SNX29: variants seen among roughly 807,000 people sequenced by gnomAD.
The protein encoded by SNX29 is sorting nexin 29, also known as sorting nexin-29.
In SNX29, 78 loss-of-function variants were observed where a neutral mutation model predicts 102.1. That is an observed-to-expected ratio of 0.76 (90% CI 0.64 to 0.92). The LOEUF (loss-of-function observed/expected upper bound fraction) is 0.92, where lower values mean the gene tolerates loss of function less well. Among genes scored for constraint, SNX29 ranks in the 40% least tolerant of loss-of-function variants. SNX29 has a pLI of 0.00. For synonymous variants in SNX29, 580 were observed against 414.5 expected, an observed-to-expected ratio of 1.40 and a Z score of -4.85; for missense variants, 1,280 against 1,061.7, an observed-to-expected ratio of 1.21 and a Z score of -2.86.
rs1287811863 is a variant in SNX29 at position 12,098,618 on chromosome 16, C to T, written c.1402+19703C>T. The stretch of plus-strand genomic sequence containing the variant: ...GCTCTTCCGTCTGCCGGGACACCCT[C>T]CCCTCTCCTCCTCTTTTGCCTGGGT... On this transcript the variant is annotated intron_variant, in intron 11 of 20. Coordinates refer to ENST00000566228, the MANE Select transcript of SNX29 (RefSeq NM_032167.5). This position sits in a 1 kb window ranked among gnomAD's most constrained non-coding sequence, Gnocchi z 6.0. 6.6e-6 allele frequency among the ~76,000 whole-genome samples: 1 copy of T among 152,222 alleles called. No homozygotes were observed. The highest frequency in any genetic ancestry group is 1.5e-5 in the Non-Finnish European group (1 of 68,040).
intron 14 of SNX29, among the ~76,000 whole-genome samples, chr16:12,229,658 G>T (rs1219367179): frequency 6.6e-6 from 1 of 151,498 alleles, no homozygotes; most frequent in Non-Finnish European, 1.5e-5. Flanking sequence ...ATAAGTTCCT[G>T]CATTCTTCAA....
At chr16:12,375,639 C>G (rs1012748618) in intron 16 of SNX29, 1 of 152,234 alleles carries the variant, frequency 6.6e-6, no homozygotes, top group Non-Finnish European at 1.5e-5. Flanking sequence ...AGGCCACCCT[C>G]GGTTTCTTGC....
At chr16:12,014,831 C>G (rs747803113) in intron 3 of SNX29, among the ~76,000 whole-genome samples, 91 of 151,580 alleles carry the variant, frequency 6.0e-4, no homozygotes, top group Non-Finnish European at 1.1e-3. Flanking sequence ...TTCCTCTGTA[C>G]AAAGATTAAT....
intron 20 of SNX29, among the ~76,000 whole-genome samples, chr16:12,535,531 C>G (rs1001305376): frequency 6.6e-6 from 1 of 152,154 alleles, no homozygotes; most frequent in African/African-American, 2.4e-5. Flanking sequence ...GTGGCCAAGC[C>G]ATAGTCTCAC....
At chr16:11,983,081 C>G (rs1356901156) in intron 1 of SNX29, among the ~76,000 whole-genome samples, 1 of 151,930 alleles carries the variant, frequency 6.6e-6, no homozygotes, top group Non-Finnish European at 1.5e-5. Flanking sequence ...CGGGCGTGCA[C>G]CACCACGCCT....
At chr16:12,240,593 T>TA (rs2078073822) in intron 14 of SNX29, among the ~76,000 whole-genome samples, 1 of 114,170 alleles carries the variant, frequency 8.8e-6, no homozygotes, top group African/African-American at 4.3e-5. Flanking sequence ...TTCTTTTTTT[T>TA]TTTTTTTTTT....
At chr16:12,565,068 C>G (rs932946464) in intron 20 of SNX29, among the ~76,000 whole-genome samples, 3 of 152,098 alleles carry the variant, frequency 2.0e-5, no homozygotes, top group South Asian at 4.1e-4. Context: ...AGCAAAGGGG[C>G]CCAGTGGGGA....
chr16:12,456,020 T>A (rs2086524176), intron 18 of SNX29, among the ~76,000 whole-genome samples: 2 of 152,320 alleles, frequency 1.3e-5, no homozygotes, highest in East Asian at 1.9e-4. Flanking sequence ...AAGGTACAAT[T>A]GCAAGTAAAT....
At chr16:12,158,814 A>G (rs984185449) in intron 13 of SNX29, among the ~76,000 whole-genome samples, 3 of 152,192 alleles carry the variant, frequency 2.0e-5, no homozygotes, top group Admixed American at 6.5e-5. Flanking sequence ...ATGGGGATTG[A>G]GTGAAATGGG....
chr16:12,346,535 G>T (rs1224861966), intron 15 of SNX29, among the ~76,000 whole-genome samples: 1 of 152,092 alleles, frequency 6.6e-6, no homozygotes, highest in Non-Finnish European at 1.5e-5. Context: ...CCTGCCTCTG[G>T]CGTTCGCACC....
chr16:12,223,667 G>A (rs2077535482), intron 14 of SNX29, among the ~76,000 whole-genome samples: 1 of 152,184 alleles, frequency 6.6e-6, no homozygotes, highest in Non-Finnish European at 1.5e-5. Context: ...AAAAATTCAG[G>A]TGAGAGTCAT....
intron 13 of SNX29, among the ~76,000 whole-genome samples, chr16:12,158,899 T>C (rs763689863): frequency 1.3e-5 from 2 of 152,214 alleles, no homozygotes; most frequent in Non-Finnish European, 2.9e-5. Context: ...GCCCAGTAAA[T>C]TGTTGACTTG....
In SNX29 at chr16:12,570,821, C is replaced by G. The variant is rs979044341; in HGVS notation, c.*2192C>G. On this transcript the variant is annotated 3_prime_UTR_variant, in exon 21 of 21. Coordinates refer to ENST00000566228, the MANE Select transcript of SNX29 (RefSeq NM_032167.5). ...CTGAGAGATACTAACCCGTGAGAAACAAGTATGCTCTCAGCTGGTATTGAA... is the reference window on the plus strand; with the variant it reads ...CTGAGAGATACTAACCCGTGAGAAAGAAGTATGCTCTCAGCTGGTATTGAA... 2.2e-5 allele frequency: 5 copies of G among 232,204 alleles called. No homozygotes were observed. Among genetic ancestry groups the G allele is most frequent in the Non-Finnish European group, 2.6e-5 (3 of 117,476 alleles). 14.4% of individuals were successfully genotyped at this position (232,204 alleles called of 1,614,324 possible).
rs146288270 is a variant in SNX29 at position 12,045,670 on chromosome 16, C to T, written c.429-714C>T. On this transcript the variant is annotated intron_variant, in intron 5 of 20. Transcript: ENST00000566228. ...ATTTTGAGGTGGAGTCTTGCTCTTT[C>T]GCCCAAGCTGGAGTACAGTGGCGCG... Among the ~76,000 whole-genome samples the T allele has an allele frequency of 2.1e-3, 301 of 143,982 alleles. 1 individual carries two copies. Among genetic ancestry groups the T allele is most frequent in the African/African-American group, 6.8e-3 (272 of 40,024 alleles). 94.5% of individuals were successfully genotyped at this position (143,982 alleles called of 152,430 possible).
rs1163246469 is a variant in SNX29 at position 12,573,448 on chromosome 16, CTA to C, written c.*4821_*4822del. ...GGCTTCCTTAATAAGATAGTTGAGC[CTA>C]TGACATTAAGGAGCAGCGCTGCTGG... On this transcript the variant is annotated 3_prime_UTR_variant, in exon 21 of 21. Transcript: ENST00000566228. 4.5e-6 allele frequency: 1 copy of C among 224,098 alleles called. No individual in the cohort carries two copies. Among genetic ancestry groups the C allele is most frequent in the African/African-American group, 2.2e-5 (1 of 44,846 alleles). The allele number at this position is 224,098 out of a possible 1,614,324, so 13.9% of individuals were successfully genotyped here.
At chr16:12,562,009 A>G in intron 20 of SNX29, among the ~76,000 whole-genome samples, 1 of 152,288 alleles carries the variant, frequency 6.6e-6, no homozygotes. Flanking sequence ...CCTGCAACCC[A>G]GGAGGCCTGG....
In SNX29 at chr16:12,474,285, A is replaced by G. The variant is rs866617028; in HGVS notation, c.2038-3434A>G. 2.0e-5 allele frequency among the ~76,000 whole-genome samples: 3 copies of G among 152,318 alleles called. No individual in the cohort carries two copies. The South Asian group carries it at 6.2e-4, about 32-fold the overall frequency. ...CGTAGTGCCTGGGATAGGACTCAAC[A>G]CATAATAGGTGGGCGGATCCTGGGT... On this transcript the variant is annotated intron_variant, in intron 18 of 20. Coordinates refer to ENST00000566228, the MANE Select transcript of SNX29 (RefSeq NM_032167.5).
chr16:12,160,990 T>C (rs757374744), intron 13 of SNX29, among the ~76,000 whole-genome samples: 1 of 152,240 alleles, frequency 6.6e-6, no homozygotes, highest in Non-Finnish European at 1.5e-5. Flanking sequence ...CTCTTCTTGC[T>C]TTCCTGATTT....
chr16:12,231,045 A>G (rs570501413), intron 14 of SNX29, among the ~76,000 whole-genome samples: 2 of 151,922 alleles, frequency 1.3e-5, no homozygotes, highest in African/African-American at 2.4e-5. Context: ...TACAGATGGG[A>G]TTTCACCATG....
Sources: gnomAD v4.1 joint callset for allele counts (sites outside exome capture counted in the v4.1 genomes callset) on GRCh38, gnomAD v4.1.1 for gene constraint, Gnocchi (gnomAD v3.1) non-coding constraint, MANE v1.5 for transcripts, NCBI Gene and HGNC (gene_info 2026-07-23, HGNC 2026-07-21) for gene names.